NEDD4L: variants seen among roughly 807,000 people sequenced by gnomAD.
NEDD4L encodes NEDD4 like E3 ubiquitin protein ligase.
NEDD4L carries 54 observed loss-of-function variants against 148.9 expected under a neutral mutation model. That is an observed-to-expected ratio of 0.36 (90% CI 0.29 to 0.45). The LOEUF (loss-of-function observed/expected upper bound fraction) is 0.45, where lower values mean the gene tolerates loss of function less well. NEDD4L is among the 20% of genes least tolerant of loss of function. The pLI is 1.00. For synonymous variants in NEDD4L, 433 were observed against 440.7 expected, an observed-to-expected ratio of 0.98 and a Z score of 0.22; for missense variants, 856 against 1,233.8, an observed-to-expected ratio of 0.69 and a Z score of 4.59.
chr18:58,223,028 G>A (rs1285169968), intron 2 of NEDD4L, among the ~76,000 whole-genome samples: 2 of 151,110 alleles, frequency 1.3e-5, no homozygotes, highest in South Asian at 2.1e-4. Context: ...ACAGTGGTGG[G>A]TGCTGACCTT....
intron 2 of NEDD4L, among the ~76,000 whole-genome samples, chr18:58,210,887 A>C (rs2147710901): frequency 6.6e-6 from 1 of 152,354 alleles, no homozygotes; most frequent in South Asian, 2.1e-4. Context: ...ACACGAATGC[A>C]CTATAATCAA....
At chr18:58,273,316 A>G (rs1179941771) in intron 5 of NEDD4L, among the ~76,000 whole-genome samples, 1 of 152,242 alleles carries the variant, frequency 6.6e-6, no homozygotes, top group Non-Finnish European at 1.5e-5. Context: ...AAAAGTCAGC[A>G]ATTTGTAAAA....
At chr18:58,045,383 G>T (rs2081529549) in intron 1 of NEDD4L, 1 of 378,168 alleles carries the variant, frequency 2.6e-6, no homozygotes, top group South Asian at 1.5e-4. Context: ...TTTTCCTCCC[G>T]AGGATTCAAA....
At chr18:58,059,319 T>C (rs2082222583) in intron 1 of NEDD4L, among the ~76,000 whole-genome samples, 2 of 152,238 alleles carry the variant, frequency 1.3e-5, no homozygotes, top group African/African-American at 4.8e-5. Flanking sequence ...CTCTCCTCTC[T>C]AGGCCCCAAG....
At chr18:58,274,096 GC>G (rs1253766220) in intron 5 of NEDD4L, among the ~76,000 whole-genome samples, 2 of 152,048 alleles carry the variant, frequency 1.3e-5, no homozygotes, top group African/African-American at 4.8e-5. Context: ...CCACCTAAAG[GC>G]CCTGAAGTGA....
intron 1 of NEDD4L, among the ~76,000 whole-genome samples, chr18:58,098,058 T>C (rs2084530419): frequency 2.0e-5 from 3 of 151,806 alleles, no homozygotes; most frequent in African/African-American, 4.8e-5. Flanking sequence ...AAACCAAAAG[T>C]ATAGTTGCAG....
At chr18:58,384,841 A>G (rs1221060721) in intron 25 of NEDD4L, among the ~76,000 whole-genome samples, 1 of 152,234 alleles carries the variant, frequency 6.6e-6, no homozygotes, top group Non-Finnish European at 1.5e-5. Context: ...ACCCTTCAGA[A>G]TGATGGAATG....
intron 4 of NEDD4L, among the ~76,000 whole-genome samples, chr18:58,250,303 C>T (rs1180060306): frequency 1.3e-5 from 2 of 152,126 alleles, no homozygotes; most frequent in Non-Finnish European, 2.9e-5. Context: ...GCCCGTACCA[C>T]CACGCCTGGC....
At position 58,251,982 on chromosome 18, in the gene NEDD4L, C is replaced by G. The variant is rs776509020; in HGVS notation, c.244-19C>G. On this transcript the variant is annotated intron_variant, in intron 4 of 30. Transcript: ENST00000400345. ...ATGATTCCTGCTCGTTTAAAAAATA[C>G]TATTTATGTTCCTTATAGGTAAACC... The G allele has an allele frequency of 3.6e-6, 5 of 1,406,170 alleles. No individual in the cohort carries two copies. The Admixed American group carries it at 6.7e-5, about 19-fold the overall frequency. 87.1% of individuals were successfully genotyped at this position (1,406,170 alleles called of 1,614,324 possible). A position where few individuals can be genotyped will look rare whatever the true frequency, so the allele number is the denominator to read the frequency against.
intron 5 of NEDD4L, among the ~76,000 whole-genome samples, chr18:58,287,318 A>G (rs918196504): frequency 3.3e-5 from 5 of 152,212 alleles, no homozygotes; most frequent in Admixed American, 2.6e-4. Context: ...AGAGGACAGC[A>G]TGTTGTTCAA....
At chr18:58,335,649 C>T in intron 13 of NEDD4L, 112 bp downstream of exon 13, 1 of 818,622 alleles carries the variant, frequency 1.2e-6, no homozygotes, top group Non-Finnish European at 2.1e-6. Context: ...CTCCTTTGTG[C>T]TACAGAGCTG....
chr18:58,214,607 T>TTGTG (rs59608519), intron 2 of NEDD4L, among the ~76,000 whole-genome samples: 8,039 of 145,252 alleles, frequency 0.055, 294 homozygotes, highest in Non-Finnish European at 0.071. Context: ...GCTGCTCGGT[T>TTGTG]TGTGTGTGTG....
At chr18:58,089,746 A>T (rs1248843463) in intron 1 of NEDD4L, among the ~76,000 whole-genome samples, 1 of 152,030 alleles carries the variant, frequency 6.6e-6, no homozygotes, top group African/African-American at 2.4e-5. Context: ...TCAAGGCGTC[A>T]TGAGGGTTGG....
At chr18:58,234,082 TTTCTTTCTTTCTTTC>T (rs1484171750) in intron 2 of NEDD4L, among the ~76,000 whole-genome samples, 47 of 94,828 alleles carry the variant, frequency 5.0e-4, no homozygotes, top group African/African-American at 2.0e-3. Context: ...TCTTTCTTTC[TTTCTTTCTTTCTTTC>T]TTTCTTTTCT....
At chr18:58,393,207 G>A (rs1449262544) in intron 30 of NEDD4L, among the ~76,000 whole-genome samples, 1 of 151,862 alleles carries the variant, frequency 6.6e-6, no homozygotes, top group African/African-American at 2.4e-5. Flanking sequence ...TTTTTATTTC[G>A]GAGCCCACAT....
chr18:58,298,626 A>C (rs1238853126), intron 5 of NEDD4L, among the ~76,000 whole-genome samples: 1 of 152,164 alleles, frequency 6.6e-6, no homozygotes, highest in Admixed American at 6.5e-5. Context: ...CTTTAAAATA[A>C]ACAAACATGT....
intron 1 of NEDD4L, among the ~76,000 whole-genome samples, chr18:58,089,126 A>ATTTTTTTT (rs570623396): frequency 5.7e-4 from 58 of 100,966 alleles, no homozygotes; most frequent in East Asian, 1.8e-3. Flanking sequence ...TTATTTCATA[A>ATTTTTTTT]TTTTTTTTTT....
chr18:58,276,271 C>T (rs113535789), intron 5 of NEDD4L, among the ~76,000 whole-genome samples: 9,667 of 146,812 alleles, frequency 0.066, 454 homozygotes, highest in Non-Finnish European at 0.1. Flanking sequence ...CAGGCTGGAG[C>T]TATCTCAGCT....
chr18:58,197,858 G>A (rs1242327019), intron 2 of NEDD4L: 3 of 152,280 alleles, frequency 2.0e-5, no homozygotes, highest in Non-Finnish European at 2.9e-5. Context: ...CCTAAAATCC[G>A]AGGACTTTCT....
Sources: allele counts gnomAD v4.1 joint callset (sites outside exome capture counted in the v4.1 genomes callset), GRCh38; gene constraint gnomAD v4.1.1; transcripts MANE v1.5; gene names NCBI Gene and HGNC (gene_info 2026-07-23, HGNC 2026-07-21).